CUBN: variants seen among roughly 807,000 people sequenced by gnomAD.
CUBN encodes cubilin.
CUBN carries 282 observed loss-of-function variants against 405.3 expected under a neutral mutation model. The ratio of observed to expected loss-of-function variants is 0.70; its 90% confidence interval spans 0.63 to 0.77. The LOEUF (loss-of-function observed/expected upper bound fraction) is 0.77, where lower values mean the gene tolerates loss of function less well. Ranked by LOEUF, CUBN falls within the 30% of genes least tolerant of loss-of-function variation. CUBN has a pLI of 0.00. For synonymous variants in CUBN, 1,684 were observed against 1,617.0 expected (o/e 1.04, Z -0.99); for missense variants, 4,514 against 4,475.2 (o/e 1.01, Z -0.25).
At chr10:17,124,577 C>T (rs990218279) in intron 4 of CUBN, among the ~76,000 whole-genome samples, 7 of 148,782 alleles carry the variant, frequency 4.7e-5, no homozygotes, top group South Asian at 4.3e-4. Flanking sequence ...TACAGGCGCC[C>T]GCCACCACGC....
intron 29 of CUBN, among the ~76,000 whole-genome samples, chr10:16,988,902 C>A (rs74759719): frequency 6.6e-6 from 1 of 152,102 alleles, no homozygotes; most frequent in Admixed American, 6.5e-5. Context: ...AATAAAATTC[C>A]CCTCTTACCT....
intron 28 of CUBN, among the ~76,000 whole-genome samples, chr10:17,008,069 C>G (rs919812727): frequency 6.6e-6 from 1 of 152,084 alleles, no homozygotes; most frequent in Non-Finnish European, 1.5e-5. Context: ...GGGAGGATCA[C>G]CTTATCAAAA....
intron 14 of CUBN, among the ~76,000 whole-genome samples, chr10:17,090,576 TAG>T (rs1193473168): frequency 6.6e-6 from 1 of 151,990 alleles, no homozygotes; most frequent in Non-Finnish European, 1.5e-5. Flanking sequence ...CTGACAACCA[TAG>T]AGAGTAGAAA....
intron 56 of CUBN, among the ~76,000 whole-genome samples, chr10:16,883,645 G>A (rs1840725723): frequency 2.0e-5 from 3 of 152,060 alleles, no homozygotes; most frequent in African/African-American, 7.2e-5. Flanking sequence ...TTTTCTTTAA[G>A]CTTTCTATTA....
At chr10:17,044,079 A>C (rs1411129723) in intron 25 of CUBN, 96 bp from the exon 26 acceptor site, 3 of 555,092 alleles carry the variant, frequency 5.4e-6, no homozygotes, top group Non-Finnish European at 9.0e-6. Flanking sequence ...AAATATATAT[A>C]TTTATTATGT....
chr10:17,040,469 T>G lies in CUBN; in HGVS notation c.4017+564A>C, dbSNP rs189219857. On this transcript the variant is annotated intron_variant, in intron 27 of 66. Coordinates refer to ENST00000377833, the MANE Select transcript of CUBN (RefSeq NM_001081.4). Reference sequence around the variant, plus strand: ...AAAATTTCTTATTGCAAAAATAACATATTACCTTATATTCAAGGTTGCCTA... The same window carrying G: ...AAAATTTCTTATTGCAAAAATAACAGATTACCTTATATTCAAGGTTGCCTA... Among the ~76,000 whole-genome samples the G allele has an allele frequency of 5.1e-3, 777 of 152,256 alleles. 2 individuals carry two copies. The highest frequency in any genetic ancestry group is 8.6e-3 in the Non-Finnish European group (586 of 68,006).
intron 17 of CUBN, among the ~76,000 whole-genome samples, chr10:17,072,615 G>A (rs1334799212): frequency 6.6e-6 from 1 of 151,908 alleles, no homozygotes; most frequent in African/African-American, 2.4e-5. Flanking sequence ...AAAAAGAAGA[G>A]CAAAACTTAA....
intron 14 of CUBN, among the ~76,000 whole-genome samples, chr10:17,096,041 C>A (rs1434293684): frequency 1.3e-5 from 2 of 152,032 alleles, no homozygotes; most frequent in Non-Finnish European, 1.5e-5. Context: ...CATAGGAGGA[C>A]AAACACTGCA....
At chr10:16,879,881 A>T (rs950091425) in intron 56 of CUBN, among the ~76,000 whole-genome samples, 1 of 152,222 alleles carries the variant, frequency 6.6e-6, no homozygotes, top group Non-Finnish European at 1.5e-5. Context: ...CTCTTGCAAG[A>T]TGGTGCAACC....
chr10:16,972,028 C>A (rs975775213), intron 31 of CUBN, among the ~76,000 whole-genome samples: 18 of 152,106 alleles, frequency 1.2e-4, no homozygotes, highest in African/African-American at 4.3e-4. Flanking sequence ...TCCTCACGCT[C>A]GTTGGCATCC....
chr10:17,003,539 C>T (rs1339064265), intron 28 of CUBN, among the ~76,000 whole-genome samples: 4 of 152,014 alleles, frequency 2.6e-5, no homozygotes, highest in Admixed American at 6.6e-5. Flanking sequence ...AAAATTTTTT[C>T]GTTCAACAAA....
chr10:16,871,661 C>T (rs1208953986), intron 58 of CUBN, among the ~76,000 whole-genome samples: 1 of 152,108 alleles, frequency 6.6e-6, no homozygotes, highest in Admixed American at 6.5e-5. Flanking sequence ...TAATTCTCTA[C>T]AGACAACACA....
chr10:16,926,024 A>G (rs1262940976), intron 41 of CUBN, among the ~76,000 whole-genome samples: 2 of 152,224 alleles, frequency 1.3e-5, no homozygotes, highest in Non-Finnish European at 2.9e-5. Context: ...TGCTTTCATA[A>G]AGATTTCTTT....
intron 22 of CUBN, among the ~76,000 whole-genome samples, chr10:17,054,331 CAAAAAA>C (rs60899709): frequency 4.6e-5 from 6 of 131,262 alleles, no homozygotes; most frequent in South Asian, 4.9e-4. Context: ...AACTCCGTCT[CAAAAAA>C]AAAAAAAAAA....
In CUBN at chr10:17,100,033, A is replaced by G; in HGVS notation, c.1737T>C (p.Phe579=). 6.2e-7 allele frequency: 1 copy of G among 1,613,540 alleles called. No homozygotes were observed. Among genetic ancestry groups the G allele is most frequent in the Non-Finnish European group, 8.5e-7 (1 of 1,179,506 alleles). Residue 579 remains phenylalanine, a synonymous_variant, in exon 14 of 67, where the codon TTT becomes TTC. Coordinates refer to ENST00000377833, the MANE Select transcript of CUBN (RefSeq NM_001081.4). ...GTTGCTGTGTTTCCCATCTTACTGT[A>G]AAGCCTCTCCCATTTCTTAAATGTT... The part of the protein sequence containing the change: ...YSEHLRNGRG[F]TVRWETQQPE...
chr10:17,067,277 GA>G (rs1341544455), intron 21 of CUBN, among the ~76,000 whole-genome samples: 12 of 151,842 alleles, frequency 7.9e-5, no homozygotes, highest in African/African-American at 2.7e-4. Flanking sequence ...TTAAGCTAGA[GA>G]AAAAAAATTC....
chr10:16,903,998 T>G lies in CUBN; in HGVS notation c.8030A>C (p.His2677Pro). ...IHFVTNERVE[H>P]IGFHAKYSFT... ...GGAATACTTTGCATGGAATCCAATG[T>G]GTTCTACACGTTCGTTGGTGACAAA... The change falls in exon 51 of 67, where the codon CAC becomes CCC. Residue 2677 changes from histidine to proline, a missense_variant. Coordinates refer to ENST00000377833, the MANE Select transcript of CUBN (RefSeq NM_001081.4). The G allele has an allele frequency of 6.2e-7, 1 of 1,612,752 alleles. No individual in the cohort carries two copies. The highest frequency in any genetic ancestry group is 8.5e-7 in the Non-Finnish European group (1 of 1,178,890).
intron 27 of CUBN, among the ~76,000 whole-genome samples, chr10:17,027,497 T>A (rs1043748645): frequency 6.6e-6 from 1 of 152,188 alleles, no homozygotes; most frequent in Non-Finnish European, 1.5e-5. Context: ...AATGATATAC[T>A]TTAGGATTTT....
At chr10:16,903,861 T>C (rs1841477266) in intron 51 of CUBN, 105 bp downstream of exon 51, 1 of 734,898 alleles carries the variant, frequency 1.4e-6, no homozygotes, top group South Asian at 2.8e-5. Flanking sequence ...ACAAAACTAA[T>C]AGCTATGTAG....
Sources: allele counts gnomAD v4.1 joint callset (sites outside exome capture counted in the v4.1 genomes callset), GRCh38; gene constraint gnomAD v4.1.1; transcripts MANE v1.5; gene names NCBI Gene and HGNC (gene_info 2026-07-23, HGNC 2026-07-21).